Variants in CUBN observed in about 807,000 individuals in gnomAD.
CUBN encodes the protein 460 kDa receptor.
CUBN carries 282 observed loss-of-function variants against 405.3 expected under a neutral mutation model. The ratio of observed to expected loss-of-function variants is 0.70; its 90% CI spans 0.63 to 0.77. The LOEUF (loss-of-function observed/expected upper bound fraction) is 0.77. Among genes scored for constraint, CUBN ranks in the 30% least tolerant of loss-of-function variants. CUBN has a pLI of 0.00. For synonymous variants in CUBN, 1,684 were observed against 1,617.0 expected, an observed-to-expected ratio of 1.04 and a Z score of -0.99; for missense variants, 4,514 against 4,475.2, an observed-to-expected ratio of 1.01 and a Z score of -0.25.
At chr10:16,894,030 T>A (rs1841110367) in intron 54 of CUBN, among the ~76,000 whole-genome samples, 1 of 152,170 alleles carries the variant, frequency 6.6e-6, no homozygotes, top group African/African-American at 2.4e-5. Flanking sequence ...AGAGTCTCTT[T>A]GGTGGACTAT....
In CUBN at chr10:16,933,281, G is replaced by C. The variant is rs765420200; in HGVS notation, c.5930C>G (p.Ala1977Gly). Reference sequence around the variant, plus strand: ...TCCCGTCCTCAGGAAGCCACCACAAGCACCTGTAGAATAGAAAGCAACATC... The same window carrying C: ...TCCCGTCCTCAGGAAGCCACCACAACCACCTGTAGAATAGAAAGCAACATC... ...DGVLPTIAPGACGGFLRTGDA... is the reference protein window; with the variant it reads ...DGVLPTIAPGGCGGFLRTGDA... The change falls in exon 40 of 67, where the codon GCT (alanine) becomes GGT (glycine). Residue 1977 changes from alanine (A) to glycine (G), a missense_variant. Physicochemically the swap from Ala to Gly is moderately conservative, Grantham distance 60. Transcript: ENST00000377833. The C allele has an allele frequency of 5.0e-6, 8 of 1,613,274 alleles. No homozygotes were observed. Among genetic ancestry groups the C allele is most frequent in the Non-Finnish European group, 6.8e-6 (8 of 1,179,928 alleles).
intron 23 of CUBN, among the ~76,000 whole-genome samples, chr10:17,046,378 A>G (rs1835132318): frequency 6.6e-6 from 1 of 152,222 alleles, no homozygotes; most frequent in African/African-American, 2.4e-5. Context: ...ACCCTTTCGA[A>G]TAAAGCCTCT....
chr10:16,909,436 A>T (rs1455347828), intron 48 of CUBN, among the ~76,000 whole-genome samples: 2 of 152,220 alleles, frequency 1.3e-5, no homozygotes, highest in Non-Finnish European at 2.9e-5. Context: ...ATGATGTAAT[A>T]ATAGAACTGG....
In CUBN at chr10:16,954,452, A is replaced by C; in HGVS notation, c.4792T>G (p.Phe1598Val). ...GAAGGGCCAGACTGAAATCTCAAGA[A>C]GAGGCTGTTTCCTGAGGAGACGATG... ...NPIVSSGNSL[F>V]LRFQSGPSRQ... Residue 1598 changes from phenylalanine (F) to valine (V), a missense_variant, in exon 32 of 67, where the codon TTC (phenylalanine) becomes GTC (valine). Coordinates refer to ENST00000377833, the MANE Select transcript of CUBN (RefSeq NM_001081.4). 1 of 1,614,144 alleles carries C rather than the reference A, an allele frequency of 6.2e-7. No homozygotes were observed. The highest frequency in any genetic ancestry group is 8.5e-7 in the Non-Finnish European group (1 of 1,180,018).
chr10:17,002,136 G>A (rs1253309717), intron 28 of CUBN, among the ~76,000 whole-genome samples: 2 of 152,126 alleles, frequency 1.3e-5, no homozygotes, highest in Admixed American at 6.5e-5. Context: ...AGAAACCTCT[G>A]GGGACAAAAA....
At chr10:16,967,456 A>G (rs182629416) in intron 31 of CUBN, among the ~76,000 whole-genome samples, 21 of 152,326 alleles carry the variant, frequency 1.4e-4, no homozygotes, top group Non-Finnish European at 2.6e-4. Flanking sequence ...ACAGATTGAG[A>G]GCTGTGGCTT....
Position 17,041,237 on chromosome 10 carries a change from C to T in CUBN, c.3830-17G>A. ...TCTCACATGCTGGAAAAAGAAATGA[C>T]TGTTAAGAACCACTATTATATACTT... On this transcript the variant is annotated splice_polypyrimidine_tract_variant and intron_variant, in intron 26 of 66. Coordinates refer to ENST00000377833, the MANE Select transcript of CUBN (RefSeq NM_001081.4). The T allele has an allele frequency of 6.2e-7, 1 of 1,603,858 alleles. No individual in the cohort carries two copies. Among genetic ancestry groups the T allele is most frequent in the Non-Finnish European group, 8.5e-7 (1 of 1,170,846 alleles).
Position 17,019,899 on chromosome 10 carries a change from C to T in CUBN, c.4102G>A (p.Val1368Met), listed in dbSNP as rs1294740513. ...PGSTTSSKLQVLLLTDGVGRR... is the reference protein window; with the variant it reads ...PGSTTSSKLQMLLLTDGVGRR... ...CCAACCCCATCTGTAAGGAGCAGCA[C>T]TTGAAGCTTGGAGCTTGTAGTACTC... The change falls in exon 28 of 67, where the codon GTG becomes ATG. Residue 1368 changes from valine to methionine, a missense_variant. By Grantham distance (21) the Val-to-Met change is conservative. Transcript: ENST00000377833. 1.9e-6 allele frequency: 3 copies of T among 1,614,156 alleles called. 1 individual carries two copies. Among genetic ancestry groups the T allele is most frequent in the South Asian group, 2.2e-5 (2 of 91,086 alleles).
chr10:16,860,059 A>AAAATTAT (rs1472089394), intron 59 of CUBN, among the ~76,000 whole-genome samples: 10 of 152,192 alleles, frequency 6.6e-5, no homozygotes, highest in Non-Finnish European at 1.3e-4. Context: ...CACAGGATGT[A>AAAATTAT]TAAATAATAA....
chr10:17,081,612 A>G (rs544031092), intron 17 of CUBN, among the ~76,000 whole-genome samples: 1 of 152,202 alleles, frequency 6.6e-6, no homozygotes, highest in Non-Finnish European at 1.5e-5. Flanking sequence ...ACTTTCTTGT[A>G]TGACCACTAT....
At chr10:17,000,558 TTTA>T (rs1330826825) in intron 28 of CUBN, among the ~76,000 whole-genome samples, 28 of 152,366 alleles carry the variant, frequency 1.8e-4, no homozygotes, top group African/African-American at 6.5e-4. Flanking sequence ...TTTAAAAACA[TTTA>T]TTATTACGGG....
At position 16,851,304 on chromosome 10, in the gene CUBN, G is replaced by A. The variant is rs933139940; in HGVS notation, c.9594C>T (p.His3198=). 8.1e-6 allele frequency: 13 copies of A among 1,613,950 alleles called. No homozygotes were observed. The African/African-American group carries it at 1.5e-4, about 18-fold the overall frequency. Residue 3198 remains histidine (H), a synonymous_variant, in exon 60 of 67, where the codon CAC becomes CAT. Coordinates refer to ENST00000377833, the MANE Select transcript of CUBN (RefSeq NM_001081.4). ...CCAGAGCAAATGTATTGAAGGTGAG[G>A]TGAATTACTTTGTTTACAGGTGCAA... ...IIIAPVNKVI[H]LTFNTFALEA... is the part of the protein sequence containing the mutation.
intron 59 of CUBN, among the ~76,000 whole-genome samples, chr10:16,864,657 CTTTTTTTTTTTT>C (rs58100254): frequency 0.034 from 4,079 of 121,476 alleles, 173 homozygotes; most frequent in African/African-American, 0.11. Context: ...TTTTTTCTTT[CTTTTTTTTTTTT>C]TTTTTTAGAT....
chr10:17,101,899 T>C (rs1255853759), intron 13 of CUBN, among the ~76,000 whole-genome samples: 1 of 152,188 alleles, frequency 6.6e-6, no homozygotes, highest in Non-Finnish European at 1.5e-5. Context: ...GAGTTAAAAA[T>C]GGAATGCTGT....
chr10:16,944,403 G>C (rs1842727568), intron 36 of CUBN, among the ~76,000 whole-genome samples: 1 of 152,010 alleles, frequency 6.6e-6, no homozygotes. Flanking sequence ...GTTCCTTTTT[G>C]TTGCAGATTC....
chr10:17,039,435 T>G (rs1834969288), intron 27 of CUBN, among the ~76,000 whole-genome samples: 2 of 152,178 alleles, frequency 1.3e-5, no homozygotes, highest in Admixed American at 6.5e-5. Flanking sequence ...ACAAAGTTAG[T>G]AGGAGACAGC....
intron 27 of CUBN, among the ~76,000 whole-genome samples, chr10:17,040,009 C>T (rs1199187229): frequency 6.6e-6 from 1 of 152,142 alleles, no homozygotes; most frequent in Non-Finnish European, 1.5e-5. Flanking sequence ...TCAACCAATG[C>T]TAGTTTTCCT....
intron 28 of CUBN, among the ~76,000 whole-genome samples, chr10:17,015,471 G>T (rs1834303093): frequency 6.6e-6 from 1 of 152,240 alleles, no homozygotes; most frequent in Non-Finnish European, 1.5e-5. Context: ...GGAGGTAGGA[G>T]AAATACCTGG....
At chr10:16,935,571 G>C (rs1842475857) in intron 39 of CUBN, among the ~76,000 whole-genome samples, 1 of 152,052 alleles carries the variant, frequency 6.6e-6, no homozygotes, top group Non-Finnish European at 1.5e-5. Context: ...ATAAATATAT[G>C]TGTGTATAAG....
Sources: gnomAD v4.1 joint callset for allele counts (sites outside exome capture counted in the v4.1 genomes callset) on GRCh38, gnomAD v4.1.1 for gene constraint, MANE v1.5 for transcripts, NCBI Gene and HGNC (gene_info 2026-07-23, HGNC 2026-07-21) for gene names.